The following GNA12 variants were observed in gnomAD, a reference collection of about 807,000 sequenced individuals.
GNA12 encodes guanine nucleotide-binding protein subunit alpha-12.
In GNA12, 9 loss-of-function variants were observed where a neutral mutation model predicts 26.0. The observed-to-expected ratio is 0.35, with a 90% CI of 0.21 to 0.60. The LOEUF (loss-of-function observed/expected upper bound fraction) is 0.60. GNA12 is among the 20% of genes least tolerant of loss of function. The pLI is 0.78. For missense variants in GNA12, 405 were observed against 525.8 expected (o/e 0.77, Z 2.25); for synonymous variants, 264 against 219.6 (o/e 1.20, Z -1.79).
chr7:2,808,954 C>G (rs1452737437), intron 1 of GNA12, among the ~76,000 whole-genome samples: 1 of 152,196 alleles, frequency 6.6e-6, no homozygotes, highest in Non-Finnish European at 1.5e-5. Context: ...CAACTGAAAC[C>G]CTTTGCCCCG....
At position 2,731,749 on chromosome 7, in the gene GNA12, T is replaced by C; in HGVS notation, c.578A>G (p.Asn193Ser). ...LDNLDRIGQL[N>S]YFPSKQDILL... is the part of the protein sequence containing the mutation. ...GATATCTTGCTTACTAGGAAAGTAATTCTGTAAAATACAGGATGAGGCAGA... is the reference window on the plus strand; with the variant it reads ...GATATCTTGCTTACTAGGAAAGTAACTCTGTAAAATACAGGATGAGGCAGA... The change falls in exon 4 of 4, where the codon AAT becomes AGT. Residue 193 changes from asparagine (N) to serine (S), a missense_variant and splice_region_variant. Asn to Ser is a conservative substitution (Grantham distance 46). Transcript: ENST00000275364. The surrounding 1 kb of genome is among the most constrained non-coding windows in gnomAD (Gnocchi z 6.0). 1 of 1,498,172 alleles carries C rather than the reference T, an allele frequency of 6.7e-7. No individual in the cohort carries two copies. The highest frequency in any genetic ancestry group is 9.0e-7 in the Non-Finnish European group (1 of 1,111,856). 92.8% of individuals were successfully genotyped at this position (1,498,172 alleles called of 1,614,324 possible).
intron 2 of GNA12, among the ~76,000 whole-genome samples, chr7:2,738,900 G>A (rs76792636): frequency 0.015 from 2,284 of 152,238 alleles, 21 homozygotes; most frequent in Non-Finnish European, 0.023. Context: ...CTCTGGCCAC[G>A]CTTTGGCCCC....
At chr7:2,794,060 T>A (rs1792587947) in intron 2 of GNA12, among the ~76,000 whole-genome samples, 2 of 152,072 alleles carry the variant, frequency 1.3e-5, no homozygotes, top group South Asian at 2.1e-4. Context: ...AATTCCAACA[T>A]GTGGAGTGAA....
chr7:2,829,252 A>G (rs1793549296), intron 1 of GNA12, among the ~76,000 whole-genome samples: 1 of 152,180 alleles, frequency 6.6e-6, no homozygotes, highest in African/African-American at 2.4e-5. Context: ...AGGAGGAGAA[A>G]GCCTAGAATT....
chr7:2,808,504 T>G (rs1793004495), intron 1 of GNA12, among the ~76,000 whole-genome samples: 1 of 152,094 alleles, frequency 6.6e-6, no homozygotes, highest in South Asian at 2.1e-4. Flanking sequence ...GGGCCTGAAT[T>G]TGGATGGGAT....
In GNA12 at chr7:2,840,916, C is replaced by A. The variant is rs192055662; in HGVS notation, c.309+2937G>T. Among the ~76,000 whole-genome samples, 681 of 151,186 alleles carry A rather than the reference C, an allele frequency of 4.5e-3. 7 individuals carry two copies. The highest frequency in any genetic ancestry group is 0.016 in the African/African-American group (648 of 41,110). ...AAAGTGATCTGTTCGAATAAAAATG[C>A]GGGGGTGGGGGCTGAAGAGGAGGAA... On this transcript the variant is annotated intron_variant, in intron 1 of 3. Coordinates refer to ENST00000275364, the MANE Select transcript of GNA12 (RefSeq NM_007353.3).
At position 2,794,942 on chromosome 7, in the gene GNA12, T is replaced by C. The variant is rs749152313; in HGVS notation, c.511A>G (p.Ser171Gly). The change falls in exon 2 of 4, where the codon AGC becomes GGC. Residue 171 changes from serine to glycine, a missense_variant. Physicochemically the swap from Ser to Gly is moderately conservative, Grantham distance 56 (BLOSUM62 0). Transcript: ENST00000275364. ...SGIREAFSRRSEFQLGESVKY... is the reference protein window; with the variant it reads ...SGIREAFSRRGEFQLGESVKY... ...TACTCACTCACCAGCTGAAACTCGCTTCTCCGGCTGAAAGCCTCCCTGATG... is the reference window on the plus strand; with the variant it reads ...TACTCACTCACCAGCTGAAACTCGCCTCTCCGGCTGAAAGCCTCCCTGATG... The C allele has an allele frequency of 1.9e-6, 3 of 1,613,828 alleles. No individual in the cohort carries two copies. The highest frequency in any genetic ancestry group is 1.7e-5 in the Admixed American group (1 of 60,026).
At chr7:2,822,635 A>C (rs559942946) in intron 1 of GNA12, among the ~76,000 whole-genome samples, 1 of 152,264 alleles carries the variant, frequency 6.6e-6, no homozygotes, top group African/African-American at 2.4e-5. Context: ...GCTGGGCAAC[A>C]TAGTGAGTCC....
chr7:2,806,243 C>T (rs1792943864), intron 1 of GNA12, among the ~76,000 whole-genome samples: 1 of 151,986 alleles, frequency 6.6e-6, no homozygotes, highest in African/African-American at 2.4e-5. Context: ...CTTTGGGAAG[C>T]CAAGGCAGGC....
rs1043770405 is a variant in GNA12, at chr7:2,730,532, G to C, written c.*649C>G. 3 of 152,588 alleles carry C rather than the reference G, an allele frequency of 2.0e-5. No individual in the cohort carries two copies. In the East Asian group the frequency reaches 5.6e-4, roughly 29 times the overall value. 9.5% of individuals were successfully genotyped at this position (152,588 alleles called of 1,614,324 possible). A position where few individuals can be genotyped will look rare whatever the true frequency, so the allele number is the denominator to read the frequency against. On this transcript the variant is annotated 3_prime_UTR_variant, in exon 4 of 4. Transcript: ENST00000275364. ...TCCTCAGAGCTGGGAAGGGATCCTAGGCACGGCTCCTCAGCTTCATCTGAG... is the reference window on the plus strand; with the variant it reads ...TCCTCAGAGCTGGGAAGGGATCCTACGCACGGCTCCTCAGCTTCATCTGAG...
intron 1 of GNA12, among the ~76,000 whole-genome samples, chr7:2,829,037 C>T (rs1793543652): frequency 6.6e-6 from 1 of 150,992 alleles, no homozygotes; most frequent in African/African-American, 2.4e-5. Flanking sequence ...CACATCACTG[C>T]ACTCCAGCCT....
chr7:2,766,372 T>A (rs1233706844), intron 2 of GNA12, among the ~76,000 whole-genome samples: 1 of 150,536 alleles, frequency 6.6e-6, no homozygotes, highest in African/African-American at 2.4e-5. Flanking sequence ...TGATGAACAT[T>A]TGGGTTGCTT....
Position 2,733,469 on chromosome 7 carries a change from C to T in GNA12, c.558G>A (p.Leu186=). ...GESVKYFLDN[L]DRIGQLNYFP... ...TACTCACCAGCTGGCCGATCCGGTC[C>T]AAGTTGTCCAGGAAGTACTTCACCG... Residue 186 remains leucine, a synonymous_variant, in exon 3 of 4, where the codon TTG becomes TTA. Transcript: ENST00000275364. 1.9e-6 allele frequency: 3 copies of T among 1,613,942 alleles called. No individual in the cohort carries two copies. In the South Asian group the frequency reaches 3.3e-5, roughly 18 times the overall value.
At chr7:2,795,231 A>G in intron 1 of GNA12, 88 bp from the exon 2 acceptor site, 1 of 959,468 alleles carries the variant, frequency 1.0e-6, no homozygotes, top group Non-Finnish European at 1.6e-6. Context: ...ATCCATTGTC[A>G]TAACGCAGAA....
chr7:2,838,424 T>C (rs945350339), intron 1 of GNA12, among the ~76,000 whole-genome samples: 7 of 151,980 alleles, frequency 4.6e-5, no homozygotes, highest in Admixed American at 3.3e-4. Flanking sequence ...AAAATAAATA[T>C]AGATTAAAAA....
chr7:2,787,777 C>G (rs760373872), intron 2 of GNA12, among the ~76,000 whole-genome samples: 2 of 152,246 alleles, frequency 1.3e-5, no homozygotes, highest in African/African-American at 4.8e-5. Context: ...CTCAGTCCCA[C>G]GGCTATGCTA....
At chr7:2,759,140 AAAAT>A (rs3074427) in intron 2 of GNA12, among the ~76,000 whole-genome samples, 12,163 of 144,678 alleles carry the variant, frequency 0.084, 509 homozygotes, top group East Asian at 0.11. Flanking sequence ...ACACTGTCTC[AAAAT>A]AAATAAATAA....
intron 1 of GNA12, among the ~76,000 whole-genome samples, chr7:2,798,311 G>C (rs1231994804): frequency 6.7e-6 from 1 of 149,182 alleles, no homozygotes; most frequent in Non-Finnish European, 1.5e-5. Context: ...AAAACTCCTA[G>C]AATAAACAAA....
At chr7:2,802,117 C>T (rs948755291) in intron 1 of GNA12, among the ~76,000 whole-genome samples, 12 of 151,898 alleles carry the variant, frequency 7.9e-5, no homozygotes, top group East Asian at 1.9e-4. Flanking sequence ...TAAATAAGAA[C>T]GACAACTCAT....
Sources: allele counts gnomAD v4.1 joint callset (sites outside exome capture counted in the v4.1 genomes callset), GRCh38; gene constraint gnomAD v4.1.1; non-coding constraint Gnocchi (gnomAD v3.1); transcripts MANE v1.5; gene names NCBI Gene and HGNC (gene_info 2026-07-23, HGNC 2026-07-21).